SOX5: variants seen among roughly 807,000 people sequenced by gnomAD.
SOX5 encodes the protein transcription factor SOX-5.
SOX5 carries 9 observed loss-of-function variants against 92.0 expected under a neutral mutation model. The observed-to-expected ratio is 0.10, with a 90% CI of 0.06 to 0.17. SOX5 has a LOEUF of 0.17. Among genes scored for constraint, SOX5 ranks in the 10% least tolerant of loss-of-function variants. SOX5 has a pLI of 1.00. For missense variants in SOX5, 642 were observed against 944.5 expected (o/e 0.68, Z 4.20); for synonymous variants, 344 against 336.3 (o/e 1.02, Z -0.25).
At chr12:24,068,612 C>A (rs1941179833) in intron 4 of SOX5, among the ~76,000 whole-genome samples, 1 of 149,866 alleles carries the variant, frequency 6.7e-6, no homozygotes, top group Admixed American at 6.7e-5. Flanking sequence ...TCTCCTATAG[C>A]TGATGTACTC....
chr12:24,302,805 G>C (rs1948132657), intron 2 of SOX5, among the ~76,000 whole-genome samples: 1 of 152,032 alleles, frequency 6.6e-6, no homozygotes, highest in Admixed American at 6.6e-5. Context: ...CTAGGGACAG[G>C]GTCCAATGCG....
chr12:24,509,687 G>A (rs1175796444), intron 1 of SOX5, among the ~76,000 whole-genome samples: 1 of 152,144 alleles, frequency 6.6e-6, no homozygotes, highest in Non-Finnish European at 1.5e-5. Flanking sequence ...AGAATGCCCC[G>A]GCCTCTCATT....
intron 4 of SOX5, among the ~76,000 whole-genome samples, chr12:24,197,626 T>C (rs1164769960): frequency 6.6e-6 from 1 of 152,162 alleles, no homozygotes; most frequent in African/African-American, 2.4e-5. Flanking sequence ...TGTCTTGGCC[T>C]TCCTGCTCTG....
At chr12:24,492,508 A>G (rs1297110161) in intron 1 of SOX5, among the ~76,000 whole-genome samples, 1 of 152,216 alleles carries the variant, frequency 6.6e-6, no homozygotes, top group Non-Finnish European at 1.5e-5. Context: ...CACAATACCA[A>G]TAATGATCCT....
intron 3 of SOX5, among the ~76,000 whole-genome samples, chr12:23,759,527 T>G (rs1468442181): frequency 6.6e-6 from 1 of 152,074 alleles, no homozygotes; most frequent in Non-Finnish European, 1.5e-5. Flanking sequence ...AATACTCTAC[T>G]AACTGCTAGT....
In SOX5 at chr12:24,224,780, A is replaced by G. The variant is rs550485019; in HGVS notation, c.-76-11363T>C. On this transcript the variant is annotated intron_variant, in intron 3 of 4. Coordinates refer to the SOX5 transcript ENST00000446891. ...TTTCTACTTCATTATTTTTTTCACT[A>G]TGTCACTGCATGAGCACTGATAAGT... 5.3e-5 allele frequency among the ~76,000 whole-genome samples: 8 copies of G among 152,286 alleles called. No homozygotes were observed. The East Asian group carries it at 1.3e-3, about 26-fold the overall frequency.
intron 4 of SOX5, among the ~76,000 whole-genome samples, chr12:24,116,001 C>CA (rs755991548): frequency 6.6e-6 from 1 of 151,734 alleles, no homozygotes; most frequent in African/African-American, 2.4e-5. Flanking sequence ...CAATTAATAG[C>CA]AATATTAATT....
intron 3 of SOX5, among the ~76,000 whole-genome samples, chr12:23,778,657 C>G (rs960050879): frequency 1.3e-5 from 2 of 152,172 alleles, no homozygotes; most frequent in Non-Finnish European, 2.9e-5. Context: ...GTAAATTCCC[C>G]TCCTTTAACA....
chr12:23,535,879 C>G (rs568969780), intron 14 of SOX5, among the ~76,000 whole-genome samples: 14 of 152,266 alleles, frequency 9.2e-5, no homozygotes, highest in South Asian at 2.1e-4. Flanking sequence ...ACAGCACTGT[C>G]AACAACCTTG....
intron 6 of SOX5, among the ~76,000 whole-genome samples, chr12:23,669,158 G>A (rs981373177): frequency 2.0e-5 from 3 of 152,054 alleles, no homozygotes; most frequent in Non-Finnish European, 4.4e-5. Context: ...ATCTGGTGGG[G>A]CAAACAGACA....
chr12:23,576,383 C>G (rs1485368471), intron 9 of SOX5, among the ~76,000 whole-genome samples: 1 of 152,078 alleles, frequency 6.6e-6, no homozygotes, highest in Non-Finnish European at 1.5e-5. Context: ...TCCTTTCTCC[C>G]TAGGTTTCAC....
At chr12:23,721,587 A>T (rs1377948503) in intron 6 of SOX5, among the ~76,000 whole-genome samples, 1 of 152,168 alleles carries the variant, frequency 6.6e-6, no homozygotes, top group Admixed American at 6.5e-5. Flanking sequence ...GACCTGTAAC[A>T]GTTCGCAGAA....
chr12:23,803,810 G>GT (rs759839675), intron 3 of SOX5, among the ~76,000 whole-genome samples: 173 of 152,068 alleles, frequency 1.1e-3, no homozygotes, highest in South Asian at 2.7e-3. Flanking sequence ...CCCAGAATGG[G>GT]TTTTTTTTAG....
At chr12:23,846,358 G>C (rs889003808) in intron 2 of SOX5, among the ~76,000 whole-genome samples, 165 bp from the exon 3 acceptor site, 18 of 152,268 alleles carry the variant, frequency 1.2e-4, no homozygotes, top group Admixed American at 1.0e-3. Flanking sequence ...AGATTAAAAA[G>C]TGAAATGTCA....
chr12:24,180,861 C>A, intron 4 of SOX5, among the ~76,000 whole-genome samples: 1 of 152,118 alleles, frequency 6.6e-6, no homozygotes, highest in East Asian at 1.9e-4. Context: ...GTTAATGTAA[C>A]CCATATAATT....
In SOX5 at chr12:23,872,164, A is replaced by ATTTTTTTTTTTT. The variant is rs71059938; in HGVS notation, c.270+23617_270+23628dup. 1.9e-4 allele frequency among the ~76,000 whole-genome samples: 12 copies of ATTTTTTTTTTTT among 61,632 alleles called. 1 individual carries two copies. The highest frequency in any genetic ancestry group is 6.3e-4 in the African/African-American group (11 of 17,404). The allele number at this position is 61,632 out of a possible 152,430, so 40.4% of individuals were successfully genotyped here. A position where few individuals can be genotyped will look rare whatever the true frequency, so the allele number is the denominator to read the frequency against. On this transcript the variant is annotated intron_variant, in intron 2 of 14. Coordinates refer to ENST00000451604, the MANE Select transcript of SOX5 (RefSeq NM_006940.6). Reference sequence around the variant, plus strand: ...AGGCGCCCGCCACCACGCCCGGCTAATTTTTTTTTTTTTTTTTTTTTTTTT... The same window carrying ATTTTTTTTTTTT: ...AGGCGCCCGCCACCACGCCCGGCTAATTTTTTTTTTTTTTTTTTTTTTTTTTTTTTTTTTTTT...
At chr12:24,279,800 G>A (rs939011360) in intron 2 of SOX5, among the ~76,000 whole-genome samples, 2 of 152,098 alleles carry the variant, frequency 1.3e-5, no homozygotes, top group Non-Finnish European at 2.9e-5. Flanking sequence ...CTAGTGATCC[G>A]TTCTATCACA....
chr12:23,638,793 G>C (rs1269207139), intron 8 of SOX5, among the ~76,000 whole-genome samples: 1 of 151,760 alleles, frequency 6.6e-6, no homozygotes, highest in Non-Finnish European at 1.5e-5. Context: ...CCTAGCAAAA[G>C]TGAGAGTCAG....
chr12:24,176,236 G>A (rs1482632203), intron 4 of SOX5, among the ~76,000 whole-genome samples: 1 of 151,878 alleles, frequency 6.6e-6, no homozygotes, highest in African/African-American at 2.4e-5. Context: ...GGCTGAGGTG[G>A]GACAATCGCC....
Sources: allele counts gnomAD v4.1 joint callset (sites outside exome capture counted in the v4.1 genomes callset), GRCh38; gene constraint gnomAD v4.1.1; transcripts MANE v1.5; gene names NCBI Gene and HGNC (gene_info 2026-07-23, HGNC 2026-07-21).